Variants in PLD1 observed in about 807,000 individuals in gnomAD.
PLD1 encodes the protein phospholipase D1.
PLD1 carries 112 observed loss-of-function variants against 137.1 expected under a neutral mutation model. That is an observed-to-expected ratio of 0.82 (90% confidence interval 0.70 to 0.96). The LOEUF is 0.96. Among genes scored for constraint, PLD1 ranks in the 40% least tolerant of loss-of-function variants. The probability of loss-of-function intolerance (pLI) is 0.00; values close to 1 mark genes in which losing one functional copy is unlikely to be tolerated. For missense variants in PLD1, 1,321 were observed against 1,342.0 expected (o/e 0.98, Z 0.24); for synonymous variants, 431 against 454.7 (o/e 0.95, Z 0.66).
intron 8 of PLD1, among the ~76,000 whole-genome samples, chr3:171,721,082 A>G (rs1027111062): frequency 2.0e-5 from 3 of 152,172 alleles, no homozygotes; most frequent in African/African-American, 7.2e-5. Context: ...ACAGAACTCC[A>G]TGAGGGCAGA....
chr3:171,679,076 G>T (rs893177765), intron 16 of PLD1, among the ~76,000 whole-genome samples: 1 of 152,160 alleles, frequency 6.6e-6, no homozygotes, highest in Non-Finnish European at 1.5e-5. Flanking sequence ...TGACGCAATT[G>T]TATCAGGATG....
At chr3:171,693,099 C>T (rs1563261) in intron 12 of PLD1, among the ~76,000 whole-genome samples, 78,109 of 151,954 alleles carry the variant, frequency 0.51, 21,278 homozygotes, top group African/African-American at 0.7. Flanking sequence ...ACAAGGTCAC[C>T]GTGGCCTATT....
chr3:171,737,524 G>T lies in PLD1; in HGVS notation c.288+8C>A, dbSNP rs372460819. 2 of 1,599,892 alleles carry T rather than the reference G, an allele frequency of 1.3e-6. No individual in the cohort carries two copies. The highest frequency in any genetic ancestry group is 1.7e-6 in the Non-Finnish European group (2 of 1,176,312). On this transcript the variant is annotated splice_region_variant and intron_variant, in intron 3 of 26. Transcript: ENST00000351298. ...AAGAAAAAAGGGTGAGTCCATAAACGCTCTGACCCTTGTTGTAGATGTGAA... is the reference window on the plus strand; with the variant it reads ...AAGAAAAAAGGGTGAGTCCATAAACTCTCTGACCCTTGTTGTAGATGTGAA...
At chr3:171,708,640 C>T in intron 11 of PLD1, 115 bp downstream of exon 11, 1 of 611,094 alleles carries the variant, frequency 1.6e-6, no homozygotes, top group Non-Finnish European at 2.9e-6. Context: ...CCTGGCCAAA[C>T]CATCCACAGA....
intron 20 of PLD1, among the ~76,000 whole-genome samples, chr3:171,660,692 G>A (rs1178233626): frequency 6.6e-6 from 1 of 151,546 alleles, no homozygotes; most frequent in Non-Finnish European, 1.5e-5. Flanking sequence ...TGCAACCTTC[G>A]CCTCCCAGGT....
At chr3:171,707,542 G>T (rs1014003022) in intron 11 of PLD1, among the ~76,000 whole-genome samples, 1 of 152,084 alleles carries the variant, frequency 6.6e-6, no homozygotes, top group Non-Finnish European at 1.5e-5. Flanking sequence ...GACAAAATTT[G>T]GTAACAATAG....
intron 1 of PLD1, among the ~76,000 whole-genome samples, chr3:171,770,567 G>A (rs1013756778): frequency 5.3e-5 from 8 of 151,984 alleles, no homozygotes; most frequent in African/African-American, 9.7e-5. Flanking sequence ...CTAGTGCGAC[G>A]ACACAAAGAA....
At chr3:171,692,899 A>G (rs1019631521) in intron 12 of PLD1, among the ~76,000 whole-genome samples, 2 of 152,258 alleles carry the variant, frequency 1.3e-5, no homozygotes, top group South Asian at 2.1e-4. Context: ...GAAGTGACAC[A>G]TAAGTGCGTA....
Position 171,764,865 on chromosome 3 carries a change from A to AAG in PLD1, c.-31-26785_-31-26784dup, listed in dbSNP as rs1468935120. ...AAAGAAAGAAAGAAAGAAAGAAAGA[A>AAG]AGAAAGAAAGAAAGAAAGAAAGAAA... On this transcript the variant is annotated intron_variant, in intron 1 of 26. Coordinates refer to ENST00000351298, the MANE Select transcript of PLD1 (RefSeq NM_002662.5). Among the ~76,000 whole-genome samples, 146 of 27,634 alleles carry AAG rather than the reference A, an allele frequency of 5.3e-3. 16 individuals are homozygous for AAG. The highest frequency in any genetic ancestry group is 0.011 in the African/African-American group (71 of 6,714). The allele number at this position is 27,634 out of a possible 152,430, so 18.1% of individuals were successfully genotyped here.
rs9817899 is a variant in PLD1 at position 171,662,008 on chromosome 3, G to A, written c.2340+52C>T. On this transcript the variant is annotated intron_variant, in intron 20 of 26. Coordinates refer to ENST00000351298, the MANE Select transcript of PLD1 (RefSeq NM_002662.5). ...TTTGGGGACCCTGAAATCTCTGCATGATATTTAAGGGAAGGCAGTTTCTCA... is the reference window on the plus strand; with the variant it reads ...TTTGGGGACCCTGAAATCTCTGCATAATATTTAAGGGAAGGCAGTTTCTCA... 2.8e-3 allele frequency: 2,744 copies of A among 987,376 alleles called. 19 individuals carry two copies. The highest frequency in any genetic ancestry group is 0.02 in the African/African-American group (1,238 of 62,544). The allele number at this position is 987,376 out of a possible 1,614,324, so 61.2% of individuals were successfully genotyped here.
At chr3:171,718,553 T>C (rs955586190) in intron 8 of PLD1, among the ~76,000 whole-genome samples, 1 of 152,198 alleles carries the variant, frequency 6.6e-6, no homozygotes, top group Non-Finnish European at 1.5e-5. Flanking sequence ...TTTATGAACA[T>C]AGATGCAGAG....
At chr3:171,704,827 T>C (rs1366002425) in intron 11 of PLD1, among the ~76,000 whole-genome samples, 1 of 152,180 alleles carries the variant, frequency 6.6e-6, no homozygotes, top group Non-Finnish European at 1.5e-5. Context: ...GACAATTTTT[T>C]CCATGGGTGG....
intron 26 of PLD1, among the ~76,000 whole-genome samples, chr3:171,604,763 C>T (rs570049319): frequency 1.4e-4 from 22 of 152,298 alleles, no homozygotes; most frequent in Admixed American, 3.3e-4. Context: ...TTAATATTAA[C>T]AAGATTCATC....
intron 23 of PLD1, among the ~76,000 whole-genome samples, chr3:171,624,446 T>G (rs1560154589): frequency 6.6e-6 from 1 of 152,174 alleles, no homozygotes; most frequent in Non-Finnish European, 1.5e-5. Flanking sequence ...TACAAATTTT[T>G]TGAAGGGTCA....
intron 25 of PLD1, among the ~76,000 whole-genome samples, chr3:171,606,609 G>A (rs1289486671): frequency 6.6e-6 from 1 of 152,166 alleles, no homozygotes; most frequent in African/African-American, 2.4e-5. Context: ...GTATGTCAAG[G>A]AGAACTGTCC....
chr3:171,766,976 A>T (rs1036181029), intron 1 of PLD1, among the ~76,000 whole-genome samples: 3 of 152,224 alleles, frequency 2.0e-5, no homozygotes, highest in African/African-American at 7.2e-5. Flanking sequence ...CTTTTAAAAA[A>T]ATATATGTCT....
Position 171,674,579 on chromosome 3 carries a change from G to A in PLD1, c.2150C>T (p.Pro717Leu), listed in dbSNP as rs1345364230. Residue 717 changes from proline to leucine, a missense_variant, in exon 19 of 27, where the codon CCT (proline) becomes CTT (leucine). Transcript: ENST00000351298. ...TGTTTGAGACTTTGGAAGCAGAAAA[G>A]GATAAGAAAGGGACCGATATTTTGA... ...MKSKYRSLSY[P>L]FLLPKSQTTA... The A allele has an allele frequency of 6.2e-7, 1 of 1,601,242 alleles. No individual in the cohort carries two copies. Among genetic ancestry groups the A allele is most frequent in the Admixed American group, 1.7e-5 (1 of 59,922 alleles).
chr3:171,702,840 A>G (rs1230615432), intron 11 of PLD1, among the ~76,000 whole-genome samples: 1 of 152,220 alleles, frequency 6.6e-6, no homozygotes, highest in Non-Finnish European at 1.5e-5. Flanking sequence ...AAATTCTTTC[A>G]GTAAACAAAG....
At position 171,600,914 on chromosome 3, in the gene PLD1, G is replaced by A. The variant is rs1393077018; in HGVS notation, c.*2164C>T. ...TCCTATGTGCCAAGCACTGGTCCAGGCTCTGGGGATACACTATGAACAAAA... is the reference window on the plus strand; with the variant it reads ...TCCTATGTGCCAAGCACTGGTCCAGACTCTGGGGATACACTATGAACAAAA... On this transcript the variant is annotated 3_prime_UTR_variant, in exon 27 of 27. Coordinates refer to ENST00000351298, the MANE Select transcript of PLD1 (RefSeq NM_002662.5). The A allele has an allele frequency of 6.6e-6, 1 of 152,138 alleles. No individual in the cohort carries two copies. The highest frequency in any genetic ancestry group is 1.5e-5 in the Non-Finnish European group (1 of 68,026). 9.4% of individuals were successfully genotyped at this position (152,138 alleles called of 1,614,324 possible). A position where few individuals can be genotyped will look rare whatever the true frequency, so the allele number is the denominator to read the frequency against.
Sources: gnomAD v4.1 joint callset for allele counts (sites outside exome capture counted in the v4.1 genomes callset) on GRCh38, gnomAD v4.1.1 for gene constraint, MANE v1.5 for transcripts, NCBI Gene and HGNC (gene_info 2026-07-23, HGNC 2026-07-21) for gene names.